Variants in AR observed in about 807,000 individuals in gnomAD.
AR encodes the protein androgen receptor, also known as dihydrotestosterone receptor.
In AR, 8 loss-of-function variants were observed where a neutral mutation model predicts 53.9. The ratio of observed to expected loss-of-function variants is 0.15; its 90% confidence interval spans 0.09 to 0.27. The LOEUF (loss-of-function observed/expected upper bound fraction) is 0.27. Ranked by LOEUF, AR falls within the 10% of genes least tolerant of loss-of-function variation. The probability of loss-of-function intolerance (pLI) is 1.00; values close to 1 mark genes in which losing one functional copy is unlikely to be tolerated. For missense variants in AR, 639 were observed against 742.5 expected (o/e 0.86, Z 1.62); for synonymous variants, 359 against 316.4 (o/e 1.13, Z -1.43).
chrX:67,610,417 G>GA (rs1022393100), intron 1 of AR, among the ~76,000 whole-genome samples: 19 of 109,885 alleles, frequency 1.7e-4, no homozygotes, highest in African/African-American at 5.6e-4. Context: ...TGATAAAACT[G>GA]AAAAAAAAGG....
At chrX:67,662,442 A>G (rs1447794092) in intron 2 of AR, among the ~76,000 whole-genome samples, 2 of 111,123 alleles carry the variant, frequency 1.8e-5, no homozygotes, top group African/African-American at 6.6e-5. Context: ...CCTTCATTTC[A>G]TTATGTACCT....
At chrX:67,566,357 C>T (rs1429373176) in intron 1 of AR, among the ~76,000 whole-genome samples, 1 of 111,865 alleles carries the variant, frequency 8.9e-6, no homozygotes, top group African/African-American at 3.3e-5. Flanking sequence ...TGAACAGCAA[C>T]TTGTGAAACG....
chrX:67,654,744 A>T (rs1258542167), intron 2 of AR, among the ~76,000 whole-genome samples: 1 of 106,218 alleles, frequency 9.4e-6, no homozygotes, highest in Admixed American at 1.1e-4. Context: ...GGCCAGATTC[A>T]ATAGAAACCT....
chrX:67,718,300 A>G (rs932658654), intron 5 of AR, among the ~76,000 whole-genome samples: 2 of 111,309 alleles, frequency 1.8e-5, no homozygotes, highest in African/African-American at 6.5e-5. Flanking sequence ...TGACCTTGGT[A>G]CTGCCATTTT....
chrX:67,675,586 T>C (rs1577774), intron 2 of AR, among the ~76,000 whole-genome samples: 7,559 of 111,224 alleles, frequency 0.068, 652 homozygotes, highest in African/African-American at 0.23. Context: ...ACATTGAGTT[T>C]CAATGCAAGT....
At chrX:67,603,387 A>G (rs990410137) in intron 1 of AR, among the ~76,000 whole-genome samples, 1 of 111,744 alleles carries the variant, frequency 8.9e-6, no homozygotes, top group Non-Finnish European at 1.9e-5. Context: ...CAAAGTAGGA[A>G]GTGCTTGTCG....
At chrX:67,671,518 A>T (rs775155906) in intron 2 of AR, among the ~76,000 whole-genome samples, 7 of 112,314 alleles carry the variant, frequency 6.2e-5, no homozygotes, top group Non-Finnish European at 1.1e-4. Flanking sequence ...AGATGAATAG[A>T]TTGCAAAAAT....
chrX:67,633,102 G>A (rs1925249311), intron 1 of AR, among the ~76,000 whole-genome samples: 1 of 112,264 alleles, frequency 8.9e-6, no homozygotes, highest in Admixed American at 9.4e-5. Context: ...CAGTCTGCAA[G>A]TCTTTAAAAA....
At chrX:67,546,981 C>T (rs1270060191) in intron 1 of AR, among the ~76,000 whole-genome samples, 1 of 110,278 alleles carries the variant, frequency 9.1e-6, no homozygotes, top group Non-Finnish European at 1.9e-5. Flanking sequence ...GATTCCTGCC[C>T]TCCCAGATTC....
chrX:67,583,843 C>CAAA (rs1922401109), intron 1 of AR, among the ~76,000 whole-genome samples: 1 of 111,922 alleles, frequency 8.9e-6, no homozygotes, highest in Non-Finnish European at 1.9e-5. Context: ...TAGGAATACA[C>CAAA]ATGTGATCTA....
intron 1 of AR, among the ~76,000 whole-genome samples, chrX:67,627,942 G>A (rs1243109287): frequency 1.8e-5 from 2 of 111,727 alleles, no homozygotes; most frequent in Non-Finnish European, 3.8e-5. Context: ...AGATCAGATA[G>A]TTGTAGATAT....
At chrX:67,687,621 T>A (rs2075973947) in intron 3 of AR, among the ~76,000 whole-genome samples, 1 of 111,609 alleles carries the variant, frequency 9.0e-6, no homozygotes, top group Admixed American at 9.5e-5. Flanking sequence ...GCAGGAAGGG[T>A]GACAAAGTGA....
intron 1 of AR, among the ~76,000 whole-genome samples, chrX:67,632,770 G>T (rs1303086030): frequency 8.9e-6 from 1 of 112,292 alleles, no homozygotes; most frequent in African/African-American, 3.2e-5. Flanking sequence ...GAAAGTATTT[G>T]CAAATCATAT....
intron 2 of AR, among the ~76,000 whole-genome samples, chrX:67,669,556 CATT>C (rs1328110724): frequency 1.8e-5 from 2 of 111,651 alleles, no homozygotes; most frequent in Admixed American, 9.5e-5. Context: ...CTATTAGGTC[CATT>C]TAAGACATAA....
chrX:67,637,494 A>G (rs1347378084), intron 1 of AR, among the ~76,000 whole-genome samples: 2 of 108,448 alleles, frequency 1.8e-5, no homozygotes, highest in Non-Finnish European at 3.8e-5. Context: ...ATGTCCCTAC[A>G]AAGGACATGA....
intron 1 of AR, chrX:67,569,128 A>G (rs1351063857): frequency 2.5e-6 from 2 of 790,902 alleles, no homozygotes; most frequent in African/African-American, 4.9e-5. Flanking sequence ...ATTATCTATT[A>G]GGCATCTAGA....
chrX:67,719,384 T>C (rs1475885840), intron 5 of AR, among the ~76,000 whole-genome samples: 1 of 112,026 alleles, frequency 8.9e-6, no homozygotes, highest in Non-Finnish European at 1.9e-5. Context: ...CTTTGGAGCT[T>C]TGAAAAGTGA....
chrX:67,624,904 C>CAAAAAAAAAAAAAAAAAAAAA (rs140323582), intron 1 of AR, among the ~76,000 whole-genome samples: 1 of 18,184 alleles, frequency 5.5e-5, no homozygotes. Context: ...GGCAATTAGG[C>CAAAAAAAAAAAAAAAAAAAAA]AAAAAAAAAA....
intron 1 of AR, among the ~76,000 whole-genome samples, chrX:67,630,022 T>A (rs1171389748): frequency 9.0e-6 from 1 of 111,399 alleles, no homozygotes; most frequent in African/African-American, 3.3e-5. Flanking sequence ...ATAATTTCTG[T>A]TCTTTTACAT....
Sources: allele counts gnomAD v4.1 joint callset (sites outside exome capture counted in the v4.1 genomes callset), GRCh38; gene constraint gnomAD v4.1.1; transcripts MANE v1.5; gene names NCBI Gene and HGNC (gene_info 2026-07-23, HGNC 2026-07-21).